Variants in CCDC91 observed in about 807,000 individuals in gnomAD.
CCDC91 encodes the protein coiled-coil domain containing 91, also known as coiled-coil domain-containing protein 91.
Under a neutral mutation model 63.2 loss-of-function variants are expected in CCDC91, and 48 were observed. The ratio of observed to expected loss-of-function variants is 0.76; its 90% CI spans 0.60 to 0.97. The LOEUF (loss-of-function observed/expected upper bound fraction) is 0.97, where lower values mean the gene tolerates loss of function less well. Among genes scored for constraint, CCDC91 ranks in the 50% least tolerant of loss-of-function variants. The pLI is 0.00. For synonymous variants in CCDC91, 167 were observed against 165.8 expected, an observed-to-expected ratio of 1.01 and a Z score of -0.06; for missense variants, 500 against 494.6, an observed-to-expected ratio of 1.01 and a Z score of -0.10.
At chr12:28,452,083 A>G (rs1949831663) in intron 10 of CCDC91, among the ~76,000 whole-genome samples, 1 of 151,504 alleles carries the variant, frequency 6.6e-6, no homozygotes, top group Non-Finnish European at 1.5e-5. Flanking sequence ...ATGCAATTAT[A>G]TTAATTTTAA....
intron 11 of CCDC91, among the ~76,000 whole-genome samples, chr12:28,478,387 G>C (rs2140834908): frequency 6.6e-6 from 1 of 152,276 alleles, no homozygotes; most frequent in East Asian, 1.9e-4. Context: ...AACAAGTGGT[G>C]CTGGGAAAAC....
intron 1 of CCDC91, among the ~76,000 whole-genome samples, chr12:28,207,568 T>C (rs1014630761): frequency 3.9e-5 from 6 of 152,186 alleles, no homozygotes; most frequent in African/African-American, 1.4e-4. Context: ...CCAGAAAACA[T>C]GCATTGAAAA....
intron 12 of CCDC91, among the ~76,000 whole-genome samples, chr12:28,512,069 C>T (rs1939437060): frequency 6.6e-6 from 1 of 151,900 alleles, no homozygotes; most frequent in Admixed American, 6.6e-5. Context: ...TAAAAAATCT[C>T]ATTTTTAAAA....
intron 12 of CCDC91, among the ~76,000 whole-genome samples, chr12:28,501,412 A>G (rs192325216): frequency 1.5e-4 from 23 of 152,038 alleles, no homozygotes; most frequent in Admixed American, 8.5e-4. Context: ...AGTTTTTAGC[A>G]TGAAGGGTTG....
chr12:28,321,705 A>G (rs1196495054), intron 6 of CCDC91, among the ~76,000 whole-genome samples: 1 of 151,844 alleles, frequency 6.6e-6, no homozygotes, highest in Non-Finnish European at 1.5e-5. Flanking sequence ...CTCACCGGAA[A>G]ATGATCATGC....
At chr12:28,308,024 A>G (rs1431292953) in intron 6 of CCDC91, among the ~76,000 whole-genome samples, 1 of 152,008 alleles carries the variant, frequency 6.6e-6, no homozygotes, top group African/African-American at 2.4e-5. Context: ...TGTTTATTCT[A>G]ATTTTTGTTA....
At chr12:28,387,871 A>G (rs1251565417) in intron 7 of CCDC91, among the ~76,000 whole-genome samples, 1 of 152,174 alleles carries the variant, frequency 6.6e-6, no homozygotes, top group African/African-American at 2.4e-5. Flanking sequence ...TCTTTTTCGT[A>G]TAATGACTTC....
intron 1 of CCDC91, among the ~76,000 whole-genome samples, chr12:28,246,686 A>G (rs73263467): frequency 0.05 from 7,569 of 152,214 alleles, 565 homozygotes; most frequent in African/African-American, 0.16. Flanking sequence ...CAGAATGACA[A>G]GAAGTAAGTT....
intron 7 of CCDC91, among the ~76,000 whole-genome samples, chr12:28,365,331 A>T (rs1944203579): frequency 6.6e-6 from 1 of 152,208 alleles, no homozygotes; most frequent in Non-Finnish European, 1.5e-5. Context: ...ATACCAATAA[A>T]TACGTTTGCA....
chr12:28,239,661 C>T (rs1945202077), intron 1 of CCDC91, among the ~76,000 whole-genome samples: 1 of 152,046 alleles, frequency 6.6e-6, no homozygotes, highest in African/African-American at 2.4e-5. Flanking sequence ...TCTTTTTGGA[C>T]TTTACATCCA....
intron 8 of CCDC91, among the ~76,000 whole-genome samples, chr12:28,441,116 AGAATGG>A (rs1949183883): frequency 6.6e-6 from 1 of 151,330 alleles, no homozygotes; most frequent in Non-Finnish European, 1.5e-5. Context: ...AGAAAATATA[AGAATGG>A]CCAATAAGCA....
chr12:28,264,585 C>CTGTGTGTG (rs34854850), intron 3 of CCDC91, among the ~76,000 whole-genome samples: 13,718 of 137,144 alleles, frequency 0.1, 823 homozygotes, highest in East Asian at 0.16. Context: ...ATATGTCTGT[C>CTGTGTGTG]TGTGTGTGTG....
At chr12:28,338,144 G>A (rs1942130489) in intron 6 of CCDC91, among the ~76,000 whole-genome samples, 1 of 152,050 alleles carries the variant, frequency 6.6e-6, no homozygotes. Flanking sequence ...TAATAAGCAA[G>A]CTGGAAAATG....
At chr12:28,418,129 A>T (rs1947791402) in intron 8 of CCDC91, among the ~76,000 whole-genome samples, 1 of 152,094 alleles carries the variant, frequency 6.6e-6, no homozygotes, top group Non-Finnish European at 1.5e-5. Flanking sequence ...AATTTGATAA[A>T]GTGTCAGACT....
chr12:28,492,191 A>G (rs1952049965), intron 12 of CCDC91, among the ~76,000 whole-genome samples: 1 of 151,748 alleles, frequency 6.6e-6, no homozygotes, highest in Admixed American at 6.6e-5. Flanking sequence ...CTTAAACTGC[A>G]TATGGAGAAG....
Position 28,452,388 on chromosome 12 carries a change from G to A in CCDC91, c.925-90G>A, listed in dbSNP as rs1237396252. 3.3e-6 allele frequency: 3 copies of A among 899,126 alleles called. No homozygotes were observed. In the Admixed American group the frequency reaches 7.9e-5, roughly 24 times the overall value. 55.7% of individuals were successfully genotyped at this position (899,126 alleles called of 1,614,324 possible). On this transcript the variant is annotated intron_variant, in intron 10 of 12. Transcript: ENST00000536442. ...TAGAACTAAACACTATAGGATCAAA[G>A]TTTTTTATCTTTTAGGTTAACCAAG... is the stretch of plus-strand genomic sequence containing the variant.
intron 8 of CCDC91, 108 bp from the exon 9 acceptor site, chr12:28,450,053 T>G: frequency 1.6e-6 from 1 of 624,076 alleles, no homozygotes; most frequent in African/African-American, 1.9e-5. Context: ...ATTTTTTCCT[T>G]TTGTAACTAC....
At chr12:28,203,919 A>G (rs542076544) in intron 1 of CCDC91, among the ~76,000 whole-genome samples, 1 of 152,266 alleles carries the variant, frequency 6.6e-6, no homozygotes, top group East Asian at 1.9e-4. Context: ...GCTATGCCTG[A>G]ACATATTACT....
intron 7 of CCDC91, among the ~76,000 whole-genome samples, chr12:28,374,151 G>A (rs893314622): frequency 3.7e-4 from 56 of 152,060 alleles, no homozygotes; most frequent in African/African-American, 1.2e-3. Flanking sequence ...CATTCCAGAA[G>A]TTCCACCCCC....
Sources: allele counts gnomAD v4.1 joint callset (sites outside exome capture counted in the v4.1 genomes callset), GRCh38; gene constraint gnomAD v4.1.1; transcripts MANE v1.5; gene names NCBI Gene and HGNC (gene_info 2026-07-23, HGNC 2026-07-21).